Variants in MERTK observed in about 807,000 individuals in gnomAD.
The protein encoded by MERTK is MER proto-oncogene, tyrosine kinase.
MERTK carries 69 observed loss-of-function variants against 99.3 expected under a neutral mutation model. That is an observed-to-expected ratio of 0.70 (90% CI 0.57 to 0.85). The LOEUF (loss-of-function observed/expected upper bound fraction) is 0.85, where lower values mean the gene tolerates loss of function less well. MERTK is among the 40% of genes least tolerant of loss of function. The pLI is 0.00. For synonymous variants in MERTK, 426 were observed against 467.6 expected, an observed-to-expected ratio of 0.91 and a Z score of 1.15; for missense variants, 1,125 against 1,249.4, an observed-to-expected ratio of 0.90 and a Z score of 1.50.
At chr2:111,949,080 C>T (rs899599491) in intron 4 of MERTK, among the ~76,000 whole-genome samples, 16 of 151,930 alleles carry the variant, frequency 1.1e-4, no homozygotes, top group African/African-American at 3.9e-4. Context: ...TTGCAGTGTT[C>T]TTCCATCGGC....
chr2:111,968,692 G>C (rs1309202921), intron 6 of MERTK, among the ~76,000 whole-genome samples: 1 of 151,896 alleles, frequency 6.6e-6, no homozygotes, highest in Non-Finnish European at 1.5e-5. Context: ...ACCATGCCCG[G>C]CTAAGTTTGC....
At chr2:111,979,633 TCA>T (rs1483953229) in intron 7 of MERTK, among the ~76,000 whole-genome samples, 5 of 152,158 alleles carry the variant, frequency 3.3e-5, no homozygotes, top group Non-Finnish European at 7.3e-5. Context: ...TTTTCTTTTT[TCA>T]AATTGGCCTA....
intron 2 of MERTK, among the ~76,000 whole-genome samples, chr2:111,936,990 C>T (rs1684776306): frequency 6.6e-6 from 1 of 152,082 alleles, no homozygotes; most frequent in African/African-American, 2.4e-5. Context: ...AGCCCAGCTC[C>T]CAAGCAAAAC....
chr2:111,906,448 C>A, intron 1 of MERTK, among the ~76,000 whole-genome samples: 1 of 152,218 alleles, frequency 6.6e-6, no homozygotes, highest in East Asian at 1.9e-4. Flanking sequence ...TGAAAATGAT[C>A]ACTTTCACAA....
chr2:111,997,106 T>G, intron 9 of MERTK: 1 of 714,074 alleles, frequency 1.4e-6, no homozygotes. Flanking sequence ...TTGATCTATG[T>G]ATATGTTATG....
At chr2:111,912,162 C>T (rs1684262276) in intron 1 of MERTK, among the ~76,000 whole-genome samples, 1 of 145,078 alleles carries the variant, frequency 6.9e-6, no homozygotes. Flanking sequence ...ACCACCATGC[C>T]CAGCTAATTT....
chr2:112,017,350 C>T (rs1489202581), intron 15 of MERTK, among the ~76,000 whole-genome samples: 1 of 152,172 alleles, frequency 6.6e-6, no homozygotes, highest in Non-Finnish European at 1.5e-5. Flanking sequence ...CATTTACAAT[C>T]CTCTAGCTAG....
intron 4 of MERTK, among the ~76,000 whole-genome samples, chr2:111,961,610 GT>G (rs1238678069): frequency 6.6e-6 from 1 of 152,060 alleles, no homozygotes; most frequent in Admixed American, 6.5e-5. Flanking sequence ...GAAATGAAAG[GT>G]TACCACCGAA....
chr2:111,950,362 A>G (rs1341656126), intron 4 of MERTK, among the ~76,000 whole-genome samples: 1 of 152,234 alleles, frequency 6.6e-6, no homozygotes, highest in Non-Finnish European at 1.5e-5. Context: ...AGCAGCTATG[A>G]ATATTTGAGT....
chr2:111,946,783 C>T (rs902363765), intron 3 of MERTK, among the ~76,000 whole-genome samples: 1 of 152,190 alleles, frequency 6.6e-6, no homozygotes, highest in Non-Finnish European at 1.5e-5. Flanking sequence ...TGAGCAACAC[C>T]TGATGTAAGA....
At chr2:112,021,613 C>G (rs752971935) in intron 17 of MERTK, 32 bp downstream of exon 17, 1 of 1,578,628 alleles carries the variant, frequency 6.3e-7, no homozygotes, top group East Asian at 2.2e-5. Context: ...AGGGGTCCCA[C>G]AGCACAAAGA....
At position 112,022,301 on chromosome 2, in the gene MERTK, T is replaced by G. The variant is rs753021341; in HGVS notation, c.2393T>G (p.Met798Arg). 1 of 1,614,254 alleles carries G rather than the reference T, an allele frequency of 6.2e-7. No individual in the cohort carries two copies. Among genetic ancestry groups the G allele is most frequent in the Non-Finnish European group, 8.5e-7 (1 of 1,180,048 alleles). The part of the protein sequence containing the change: ...VTMWEIATRG[M>R]TPYPGVQNHE... ...ATGTGGGAAATAGCTACGCGGGGAA[T>G]GACTCCCTATCCTGGGGTCCAGAAC... is the stretch of plus-strand genomic sequence containing the variant. The change falls in exon 18 of 19, where the codon ATG becomes AGG. Residue 798 changes from methionine to arginine, a missense_variant. Coordinates refer to ENST00000295408, the MANE Select transcript of MERTK (RefSeq NM_006343.3).
intron 10 of MERTK, among the ~76,000 whole-genome samples, chr2:111,998,877 A>G (rs1676809114): frequency 6.6e-6 from 1 of 152,252 alleles, no homozygotes; most frequent in Non-Finnish European, 1.5e-5. Flanking sequence ...GGTTATTGTT[A>G]TCTATGTCGA....
intron 6 of MERTK, 34 bp from the exon 7 acceptor site, chr2:111,975,255 T>C: frequency 6.2e-7 from 1 of 1,611,218 alleles, no homozygotes; most frequent in Non-Finnish European, 8.5e-7. Flanking sequence ...ACCACCTTAC[T>C]AATGCCCGGT....
chr2:111,969,456 C>T (rs962462911), intron 6 of MERTK, among the ~76,000 whole-genome samples: 1 of 152,190 alleles, frequency 6.6e-6, no homozygotes, highest in African/African-American at 2.4e-5. Flanking sequence ...AATTAGTTTA[C>T]TAAATATCTG....
intron 6 of MERTK, among the ~76,000 whole-genome samples, chr2:111,972,809 G>C (rs979328621): frequency 2.6e-5 from 4 of 152,202 alleles, no homozygotes; most frequent in Non-Finnish European, 4.4e-5. Flanking sequence ...TTAACTAGGT[G>C]TCCTTTATAT....
At chr2:111,926,891 T>C (rs549394703) in intron 1 of MERTK, among the ~76,000 whole-genome samples, 1 of 152,326 alleles carries the variant, frequency 6.6e-6, no homozygotes, top group East Asian at 1.9e-4. Context: ...AGGTCCACCC[T>C]TGTGAAGGTT....
chr2:111,936,337 A>T (rs190275009), intron 2 of MERTK, among the ~76,000 whole-genome samples: 1 of 152,362 alleles, frequency 6.6e-6, no homozygotes, highest in Non-Finnish European at 1.5e-5. Flanking sequence ...TAAGGCTGCT[A>T]TATGCCACTG....
intron 8 of MERTK, among the ~76,000 whole-genome samples, chr2:111,985,390 G>C (rs1676455159): frequency 6.6e-6 from 1 of 152,114 alleles, no homozygotes; most frequent in African/African-American, 2.4e-5. Flanking sequence ...TTGTGACACA[G>C]AACATCCGTG....
Sources: gnomAD v4.1 joint callset for allele counts (sites outside exome capture counted in the v4.1 genomes callset) on GRCh38, gnomAD v4.1.1 for gene constraint, MANE v1.5 for transcripts, NCBI Gene and HGNC (gene_info 2026-07-23, HGNC 2026-07-21) for gene names.